MAGI1: variants seen among roughly 807,000 people sequenced by gnomAD.
MAGI1 encodes membrane associated guanylate kinase, WW and PDZ domain containing 1, also known as membrane-associated guanylate kinase, WW and PDZ domain-containing protein 1.
A neutral mutation model predicts 139.9 loss-of-function variants in MAGI1; 58 were observed. The ratio of observed to expected loss-of-function variants is 0.41; its 90% CI spans 0.34 to 0.52. MAGI1 has a LOEUF of 0.52. MAGI1 is among the 20% of genes least tolerant of loss of function. The pLI is 0.12. For synonymous variants in MAGI1, 812 were observed against 737.9 expected (o/e 1.10, Z -1.63); for missense variants, 1,874 against 1,901.6 (o/e 0.99, Z 0.27).
rs34295973 is a variant in MAGI1, at chr3:65,959,601, TTTATTATTATTATTATTATTA to T, written c.313+78374_313+78394del. The stretch of plus-strand genomic sequence containing the variant: ...AGACATGGGCCACCATCCCAGCATT[TTTATTATTATTATTATTATTA>T]TTATTATTATTATTATTATTATTAT... On this transcript the variant is annotated intron_variant, in intron 1 of 22. Coordinates refer to ENST00000402939, the MANE Select transcript of MAGI1 (RefSeq NM_001033057.2). 3.2e-3 allele frequency among the ~76,000 whole-genome samples: 408 copies of T among 127,306 alleles called. 1 individual carries two copies. The highest frequency in any genetic ancestry group is 0.012 in the African/African-American group (386 of 33,112). The allele number at this position is 127,306 out of a possible 152,430, so 83.5% of individuals were successfully genotyped here. A position where few individuals can be genotyped will look rare whatever the true frequency, so the allele number is the denominator to read the frequency against.
chr3:65,782,721 A>G (rs1312296918), intron 1 of MAGI1, among the ~76,000 whole-genome samples: 1 of 147,156 alleles, frequency 6.8e-6, no homozygotes, highest in Non-Finnish European at 1.5e-5. Context: ...AGTCAAGTTG[A>G]TTTGTTTTCA....
chr3:65,762,456 G>GAA (rs144537538), intron 1 of MAGI1, among the ~76,000 whole-genome samples: 4 of 145,110 alleles, frequency 2.8e-5, no homozygotes, highest in African/African-American at 5.1e-5. Context: ...TGGGAAGGCG[G>GAA]AAAAAAAAAA....
chr3:65,814,420 C>G (rs1031904258), intron 1 of MAGI1, among the ~76,000 whole-genome samples: 1 of 152,148 alleles, frequency 6.6e-6, no homozygotes, highest in Non-Finnish European at 1.5e-5. Flanking sequence ...TTATTCCTCA[C>G]CTCTCATTCA....
At chr3:65,683,902 C>T (rs1441656760) in intron 1 of MAGI1, among the ~76,000 whole-genome samples, 1 of 151,068 alleles carries the variant, frequency 6.6e-6, no homozygotes, top group Non-Finnish European at 1.5e-5. Context: ...AAAACTCACA[C>T]TCATGTAACT....
rs9879853 is a variant in MAGI1, at chr3:65,648,316, T to C, written c.314-26228A>G. 1.3e-3 allele frequency among the ~76,000 whole-genome samples: 183 copies of C among 143,156 alleles called. 1 individual carries two copies. The highest frequency in any genetic ancestry group is 8.9e-3 in the South Asian group (40 of 4,518). 93.9% of individuals were successfully genotyped at this position (143,156 alleles called of 152,430 possible). A position where few individuals can be genotyped will look rare whatever the true frequency, so the allele number is the denominator to read the frequency against. On this transcript the variant is annotated intron_variant, in intron 1 of 22. Coordinates refer to ENST00000402939, the MANE Select transcript of MAGI1 (RefSeq NM_001033057.2). The stretch of plus-strand genomic sequence containing the variant: ...GTGTGTGTGTGTGTGTGTGTGTGTG[T>C]GCGCGTGCGCGTGCACACAGACAGG...
chr3:65,656,132 G>A lies in MAGI1; in HGVS notation c.314-34044C>T, dbSNP rs1036150055. ...TGTCATCAAGTCTGCAATGGGGACA[G>A]AAAAATTAAGTTTCAGAAGTGTTAA... On this transcript the variant is annotated intron_variant, in intron 1 of 22. Coordinates refer to ENST00000402939, the MANE Select transcript of MAGI1 (RefSeq NM_001033057.2). 3.3e-5 allele frequency among the ~76,000 whole-genome samples: 5 copies of A among 151,334 alleles called. No homozygotes were observed. In the East Asian group the frequency reaches 9.7e-4, roughly 29 times the overall value.
In MAGI1 at chr3:65,588,902, T is replaced by C. The variant is rs567729679; in HGVS notation, c.430+33070A>G. ...TCCGTAATTAAGAAATAAATATTTA[T>C]ATACCTAAATTGTGACTTCACAACA... On this transcript the variant is annotated intron_variant, in intron 2 of 22. Transcript: ENST00000402939. Among the ~76,000 whole-genome samples, 5 of 152,336 alleles carry C rather than the reference T, an allele frequency of 3.3e-5. No homozygotes were observed. In the East Asian group the frequency reaches 9.6e-4, roughly 29 times the overall value.
chr3:65,707,190 G>A (rs1296806455), intron 1 of MAGI1, among the ~76,000 whole-genome samples: 2 of 152,228 alleles, frequency 1.3e-5, no homozygotes, highest in Middle Eastern at 3.4e-3. Flanking sequence ...TGATTGGCAG[G>A]GCTCTAATGT....
intron 1 of MAGI1, among the ~76,000 whole-genome samples, chr3:65,998,113 A>G (rs1282695521): frequency 6.6e-6 from 1 of 151,928 alleles, no homozygotes; most frequent in Non-Finnish European, 1.5e-5. Context: ...GGGAAAAAAA[A>G]AAAAAAAACA....
intron 1 of MAGI1, among the ~76,000 whole-genome samples, chr3:65,994,852 C>T (rs572623201): frequency 1.2e-4 from 18 of 152,336 alleles, no homozygotes; most frequent in African/African-American, 3.8e-4. Context: ...TAGCCAACAG[C>T]TGACTGTAAC....
chr3:65,890,574 C>A (rs902147824), intron 1 of MAGI1, among the ~76,000 whole-genome samples: 2 of 152,214 alleles, frequency 1.3e-5, no homozygotes, highest in African/African-American at 4.8e-5. Flanking sequence ...AAAGGACTTG[C>A]AAGAACATTC....
chr3:65,496,491 G>C (rs1952465625), intron 2 of MAGI1, among the ~76,000 whole-genome samples: 1 of 152,188 alleles, frequency 6.6e-6, no homozygotes, highest in South Asian at 2.1e-4. Context: ...ACTAGAATAG[G>C]ACAGAAGTGA....
intron 18 of MAGI1, among the ~76,000 whole-genome samples, chr3:65,371,403 C>T (rs12493305): frequency 6.6e-6 from 1 of 152,152 alleles, no homozygotes; most frequent in African/African-American, 2.4e-5. Context: ...ACACTACATA[C>T]CTTAATTTTA....
At chr3:65,573,533 G>A (rs1409319573) in intron 2 of MAGI1, among the ~76,000 whole-genome samples, 2 of 149,566 alleles carry the variant, frequency 1.3e-5, no homozygotes, top group East Asian at 3.9e-4. Context: ...CACATTTATT[G>A]CTGATTTAAA....
At chr3:65,836,690 G>C (rs900929389) in intron 1 of MAGI1, among the ~76,000 whole-genome samples, 2 of 151,900 alleles carry the variant, frequency 1.3e-5, no homozygotes, top group African/African-American at 2.4e-5. Context: ...GTGGTGGTGG[G>C]CGCCTATAAT....
At chr3:65,854,851 G>A (rs2059319904) in intron 1 of MAGI1, among the ~76,000 whole-genome samples, 1 of 152,160 alleles carries the variant, frequency 6.6e-6, no homozygotes. Context: ...ACAACCAAAG[G>A]GAGAAGTCCA....
chr3:65,986,016 T>C (rs1338691683), intron 1 of MAGI1, among the ~76,000 whole-genome samples: 4 of 152,326 alleles, frequency 2.6e-5, no homozygotes, highest in South Asian at 2.1e-4. Flanking sequence ...CTGCCCTTCA[T>C]TGGCTTTTGG....
chr3:65,773,187 G>A (rs1286583363), intron 1 of MAGI1, among the ~76,000 whole-genome samples: 1 of 152,194 alleles, frequency 6.6e-6, no homozygotes, highest in African/African-American at 2.4e-5. Context: ...TCACTATGAT[G>A]TAGGAGTAAT....
At chr3:65,742,970 G>A (rs2035400405) in intron 1 of MAGI1, among the ~76,000 whole-genome samples, 1 of 152,102 alleles carries the variant, frequency 6.6e-6, no homozygotes, top group Middle Eastern at 3.2e-3. Context: ...ATTAGCTTTT[G>A]AAGAAAGGAG....
Sources: gnomAD v4.1 joint callset for allele counts (sites outside exome capture counted in the v4.1 genomes callset) on GRCh38, gnomAD v4.1.1 for gene constraint, MANE v1.5 for transcripts, NCBI Gene and HGNC (gene_info 2026-07-23, HGNC 2026-07-21) for gene names.